Variants in R3HDM1 observed in about 807,000 individuals in gnomAD.
R3HDM1 encodes R3H domain containing 1.
R3HDM1 carries 46 observed loss-of-function variants against 141.1 expected under a neutral mutation model. The ratio of observed to expected loss-of-function variants is 0.33; its 90% CI spans 0.26 to 0.42. R3HDM1 has a LOEUF of 0.42. Among genes scored for constraint, R3HDM1 ranks in the 10% least tolerant of loss-of-function variants. The pLI is 1.00. For synonymous variants in R3HDM1, 435 were observed against 472.9 expected, an observed-to-expected ratio of 0.92 and a Z score of 1.04; for missense variants, 1,184 against 1,368.3, an observed-to-expected ratio of 0.87 and a Z score of 2.12.
In R3HDM1 at chr2:135,641,576, T is replaced by C. The variant is rs555137704; in HGVS notation, c.1260T>C (p.Ser420=). 3.2e-5 allele frequency: 52 copies of C among 1,614,084 alleles called. No homozygotes were observed. Among genetic ancestry groups the C allele is most frequent in the South Asian group, 2.1e-4 (19 of 91,084 alleles). ...GTAGTGTAGGGTCATCTACAGGCTC[T>C]CTTTCTCACATCCAGCAGCCTCTTC... is the stretch of plus-strand genomic sequence containing the variant. ...SSGSVGSSTG[S]LSHIQQPLPG... Residue 420 remains serine (S), a synonymous_variant, in exon 15 of 27, where the codon TCT becomes TCC. Coordinates refer to ENST00000683871, the MANE Select transcript of R3HDM1 (RefSeq NM_001378107.1).
chr2:135,602,833 G>A lies in R3HDM1; in HGVS notation c.-41+125G>A, dbSNP rs188612183. The A allele has an allele frequency of 4.8e-3, 3,854 of 805,400 alleles. 14 individuals are homozygous for A. Among genetic ancestry groups the A allele is most frequent in the Non-Finnish European group, 5.6e-3 (3,140 of 561,534 alleles). The allele number at this position is 805,400 out of a possible 1,614,324, so 49.9% of individuals were successfully genotyped here. On this transcript the variant is annotated intron_variant, in intron 2 of 26. Transcript: ENST00000683871. Reference sequence around the variant, plus strand: ...CCTACTTTGCAGCTGTTTGTTTTCGGAATGAACCAATTAACTTTTGTATGG... The same window carrying A: ...CCTACTTTGCAGCTGTTTGTTTTCGAAATGAACCAATTAACTTTTGTATGG...
chr2:135,630,320 C>T (rs541691707), intron 7 of R3HDM1, among the ~76,000 whole-genome samples: 5 of 78,542 alleles, frequency 6.4e-5, no homozygotes, highest in East Asian at 3.3e-4. Flanking sequence ...AAAAAAAAAA[C>T]GAGATTCTCA....
chr2:135,622,397 A>G, intron 6 of R3HDM1: 1 of 984,484 alleles, frequency 1.0e-6, no homozygotes, highest in Non-Finnish European at 1.2e-6. Context: ...AGGAAATTAA[A>G]CAGACACATG....
At chr2:135,646,137 C>CT (rs200777494) in intron 16 of R3HDM1, among the ~76,000 whole-genome samples, 30,154 of 139,552 alleles carry the variant, frequency 0.22, 3,888 homozygotes, top group East Asian at 0.44. Context: ...TTTATTCTAA[C>CT]TTTTTTTTTT....
intron 18 of R3HDM1, among the ~76,000 whole-genome samples, chr2:135,653,976 A>G (rs1323666571): frequency 6.6e-6 from 1 of 152,232 alleles, no homozygotes; most frequent in Non-Finnish European, 1.5e-5. Context: ...TTCACATAAT[A>G]TAAAATTAAT....
At chr2:135,639,282 T>C (rs2063551242) in intron 14 of R3HDM1, 160 bp downstream of exon 14, 1 of 631,692 alleles carries the variant, frequency 1.6e-6, no homozygotes, top group Non-Finnish European at 2.8e-6. Context: ...AATATGTTTC[T>C]TGACATGAGG....
chr2:135,623,459 C>A (rs1235842598), intron 7 of R3HDM1, among the ~76,000 whole-genome samples: 2 of 152,168 alleles, frequency 1.3e-5, no homozygotes, highest in African/African-American at 4.8e-5. Context: ...TTGTTTATCT[C>A]TTACACAGTC....
At chr2:135,660,347 C>T (rs1300474140) in intron 18 of R3HDM1, among the ~76,000 whole-genome samples, 2 of 152,100 alleles carry the variant, frequency 1.3e-5, no homozygotes, top group Non-Finnish European at 2.9e-5. Flanking sequence ...GTTTCATATA[C>T]ATCTTATACA....
intron 23 of R3HDM1, among the ~76,000 whole-genome samples, chr2:135,713,455 G>T (rs769144779): frequency 1.3e-5 from 2 of 152,136 alleles, no homozygotes; most frequent in African/African-American, 4.8e-5. Context: ...TGTAGAATTT[G>T]ATCCACAGAT....
intron 1 of R3HDM1, chr2:135,550,157 A>C: frequency 3.0e-6 from 3 of 984,112 alleles, no homozygotes; most frequent in Non-Finnish European, 3.6e-6. Flanking sequence ...TGTTACACGA[A>C]CTATTTTTTT....
Position 135,709,556 on chromosome 2 carries a change from A to T in R3HDM1, c.2563+20A>T, listed in dbSNP as rs909222464. On this transcript the variant is annotated intron_variant, in intron 22 of 26. Coordinates refer to ENST00000683871, the MANE Select transcript of R3HDM1 (RefSeq NM_001378107.1). ...GTACAGGTATAAAGAAATCAGTGAA[A>T]ATAAGATGATTGGTTCATATGAGAA... 8 of 1,610,896 alleles carry T rather than the reference A, an allele frequency of 5.0e-6. No individual in the cohort carries two copies. The highest frequency in any genetic ancestry group is 6.8e-6 in the Non-Finnish European group (8 of 1,178,142).
In R3HDM1 at chr2:135,662,171, C is replaced by A. The variant is rs537285103; in HGVS notation, c.2152+778C>A. Among the ~76,000 whole-genome samples, 21 of 152,252 alleles carry A rather than the reference C, an allele frequency of 1.4e-4. No individual in the cohort carries two copies. In the South Asian group the frequency reaches 1.7e-3, roughly 12 times the overall value. ...TCTAGGAGTTGAAGTGGAATTTTAT[C>A]ATTGGTTTCTTTAGAGCTTTCTTAA... On this transcript the variant is annotated intron_variant, in intron 19 of 26. Coordinates refer to ENST00000683871, the MANE Select transcript of R3HDM1 (RefSeq NM_001378107.1).
Position 135,626,209 on chromosome 2 carries a change from G to GTGCT in R3HDM1, c.497+3514_497+3517dup, listed in dbSNP as rs56860646. Among the ~76,000 whole-genome samples, 814 of 143,442 alleles carry GTGCT rather than the reference G, an allele frequency of 5.7e-3. 3 individuals carry two copies. The highest frequency in any genetic ancestry group is 0.017 in the East Asian group (86 of 5,098). The allele number at this position is 143,442 out of a possible 152,430, so 94.1% of individuals were successfully genotyped here. ...CGTGCGTGCGTGCGTGCGTGCGTGC[G>GTGCT]TGCTTGCTTGCTTGCTTGCTTGCTT... On this transcript the variant is annotated intron_variant, in intron 7 of 26. Coordinates refer to ENST00000683871, the MANE Select transcript of R3HDM1 (RefSeq NM_001378107.1).
rs1215523167 is a variant in R3HDM1, at chr2:135,585,312, A to G, written c.-249-17188A>G. Among the ~76,000 whole-genome samples the G allele has an allele frequency of 9.9e-5, 15 of 152,238 alleles. 1 individual carries two copies. The highest frequency in any genetic ancestry group is 9.2e-4 in the Admixed American group (14 of 15,280). ...CTTTTAGTGTTTGTCAAGTTGGTAT[A>G]AAGAAACTGCTGGTTTATTAATCCG... On this transcript the variant is annotated intron_variant, in intron 1 of 26. Coordinates refer to ENST00000683871, the MANE Select transcript of R3HDM1 (RefSeq NM_001378107.1).
intron 5 of R3HDM1, chr2:135,619,770 G>A (rs2061375690): frequency 2.1e-6 from 2 of 941,098 alleles, no homozygotes; most frequent in Non-Finnish European, 1.3e-6. Flanking sequence ...GAATTAATCT[G>A]GAATAAAACT....
rs111363825 is a variant in R3HDM1 at position 135,716,094 on chromosome 2, A to G, written c.2881+400A>G. On this transcript the variant is annotated intron_variant, in intron 24 of 26. Coordinates refer to ENST00000683871, the MANE Select transcript of R3HDM1 (RefSeq NM_001378107.1). ...GCAATCCCAGCACTTTGGGAGGCCA[A>G]TGCGGAAGGATCACTTGAGGCCACT... is the stretch of plus-strand genomic sequence containing the variant. 3.6e-3 allele frequency among the ~76,000 whole-genome samples: 549 copies of G among 152,330 alleles called. 4 individuals are homozygous for G. The highest frequency in any genetic ancestry group is 0.01 in the African/African-American group (429 of 41,584).
chr2:135,595,364 T>C (rs1250367204), intron 1 of R3HDM1, among the ~76,000 whole-genome samples: 1 of 152,226 alleles, frequency 6.6e-6, no homozygotes, highest in Admixed American at 6.5e-5. Context: ...TACTTGCTAT[T>C]ATATTAATCT....
chr2:135,543,129 A>C (rs1416170965), intron 1 of R3HDM1: 1 of 977,490 alleles, frequency 1.0e-6, no homozygotes, highest in Admixed American at 6.2e-5. Context: ...TAATATGTAA[A>C]ATGGATGATT....
intron 1 of R3HDM1, chr2:135,549,877 T>A (rs113239864): frequency 1.4e-6 from 1 of 706,174 alleles, no homozygotes; most frequent in African/African-American, 1.9e-5. Context: ...AAATGGTCAA[T>A]TGTGTTTGAT....
Sources: gnomAD v4.1 joint callset for allele counts (sites outside exome capture counted in the v4.1 genomes callset) on GRCh38, gnomAD v4.1.1 for gene constraint, MANE v1.5 for transcripts, NCBI Gene and HGNC (gene_info 2026-07-23, HGNC 2026-07-21) for gene names.